PDE1C: variants seen among roughly 807,000 people sequenced by gnomAD.
PDE1C encodes phosphodiesterase 1C, also known as dual specificity calcium/calmodulin-dependent 3',5'-cyclic nucleotide phosphodiesterase 1C.
Under a neutral mutation model 93.1 loss-of-function variants are expected in PDE1C, and 62 were observed. That is an observed-to-expected ratio of 0.67 (90% CI 0.54 to 0.82). The LOEUF (loss-of-function observed/expected upper bound fraction) is 0.82. Ranked by LOEUF, PDE1C falls within the 40% of genes least tolerant of loss-of-function variation. PDE1C has a pLI of 0.00. For synonymous variants in PDE1C, 325 were observed against 310.1 expected, an observed-to-expected ratio of 1.05 and a Z score of -0.50; for missense variants, 742 against 884.6, an observed-to-expected ratio of 0.84 and a Z score of 2.04.
At chr7:31,930,096 C>T (rs147416673) in intron 2 of PDE1C, among the ~76,000 whole-genome samples, 1,589 of 152,290 alleles carry the variant, frequency 0.01, 15 homozygotes, top group Non-Finnish European at 0.019. Flanking sequence ...ACTGATCCCA[C>T]AGAAATACAA....
intron 17 of PDE1C, among the ~76,000 whole-genome samples, chr7:31,765,137 T>C (rs1233179909): frequency 1.3e-5 from 2 of 152,192 alleles, no homozygotes; most frequent in African/African-American, 4.8e-5. Flanking sequence ...AGACATATTT[T>C]TTGAGCCTTC....
intron 3 of PDE1C, among the ~76,000 whole-genome samples, chr7:32,159,807 T>C (rs1467483598): frequency 3.3e-5 from 5 of 152,120 alleles, no homozygotes; most frequent in African/African-American, 1.2e-4. Context: ...TACACCAAAG[T>C]GAACTCAGTG....
chr7:32,425,500 A>C (rs971704461), intron 1 of PDE1C, among the ~76,000 whole-genome samples: 29 of 152,070 alleles, frequency 1.9e-4, no homozygotes, highest in Non-Finnish European at 3.5e-4. Context: ...GAAGGGATTG[A>C]AAAAAATTCT....
chr7:32,144,960 GT>G (rs1393634381), intron 3 of PDE1C, among the ~76,000 whole-genome samples: 2 of 152,140 alleles, frequency 1.3e-5, no homozygotes, highest in Admixed American at 6.6e-5. Context: ...GCTGTAATTG[GT>G]TTTTAAAGAG....
At chr7:31,816,736 CTGTT>C (rs1399623326) in intron 14 of PDE1C, among the ~76,000 whole-genome samples, 3 of 152,090 alleles carry the variant, frequency 2.0e-5, no homozygotes, top group Non-Finnish European at 4.4e-5. Context: ...ACTGAGGACA[CTGTT>C]TGTTAATTTA....
the PDE1C span, among the ~76,000 whole-genome samples, chr7:31,619,449 G>A: frequency 6.6e-6 from 1 of 152,100 alleles, no homozygotes. Context: ...TGTTTCAACT[G>A]TATGTGTAGA....
chr7:31,903,369 G>A (rs1030602872), intron 2 of PDE1C, among the ~76,000 whole-genome samples: 4 of 151,924 alleles, frequency 2.6e-5, no homozygotes, highest in African/African-American at 9.7e-5. Flanking sequence ...AGAAATTAAA[G>A]TCAAGAGATC....
intron 1 of PDE1C, among the ~76,000 whole-genome samples, chr7:32,319,767 T>A (rs1028912272): frequency 6.6e-6 from 1 of 152,190 alleles, no homozygotes; most frequent in African/African-American, 2.4e-5. Context: ...CCGCTCTGGG[T>A]ATGAAGGCTG....
At chr7:31,939,949 C>G (rs1413108092) in intron 2 of PDE1C, among the ~76,000 whole-genome samples, 1 of 152,110 alleles carries the variant, frequency 6.6e-6, no homozygotes, top group Non-Finnish European at 1.5e-5. Context: ...TCCACCATCA[C>G]AGAGAGATGT....
intron 2 of PDE1C, among the ~76,000 whole-genome samples, chr7:32,007,773 T>C (rs1786480980): frequency 1.3e-5 from 2 of 152,198 alleles, no homozygotes. Flanking sequence ...GAAACTCAAA[T>C]AAATCATTGA....
chr7:32,407,554 T>A (rs1351393771), intron 1 of PDE1C, among the ~76,000 whole-genome samples: 1 of 152,140 alleles, frequency 6.6e-6, no homozygotes, highest in Non-Finnish European at 1.5e-5. Flanking sequence ...GATGCTCATG[T>A]AATCATGTGC....
chr7:32,252,644 G>C (rs979456653), intron 1 of PDE1C, among the ~76,000 whole-genome samples: 1 of 152,208 alleles, frequency 6.6e-6, no homozygotes, highest in Non-Finnish European at 1.5e-5. Flanking sequence ...GCAGCACAGA[G>C]GAGGGTGGGA....
At chr7:31,994,326 A>G (rs923126039) in intron 2 of PDE1C, among the ~76,000 whole-genome samples, 1 of 152,192 alleles carries the variant, frequency 6.6e-6, no homozygotes, top group Non-Finnish European at 1.5e-5. Context: ...TTAAATACTA[A>G]AAATTGAGGC....
chr7:31,679,141 C>T, the PDE1C span, among the ~76,000 whole-genome samples: 1 of 152,250 alleles, frequency 6.6e-6, no homozygotes, highest in Admixed American at 6.5e-5. Context: ...AGAATGCACT[C>T]CTGGGCTGCT....
chr7:31,786,151 C>T (rs1286068641), intron 16 of PDE1C: 1 of 152,156 alleles, frequency 6.6e-6, no homozygotes, highest in Non-Finnish European at 1.5e-5. Flanking sequence ...AATCTATTTG[C>T]TGTAGGAGAG....
chr7:31,717,253 CATTT>C, the PDE1C span, among the ~76,000 whole-genome samples: 3 of 152,168 alleles, frequency 2.0e-5, no homozygotes, highest in Admixed American at 1.3e-4. Context: ...TTTCTTTATA[CATTT>C]ATTTAAAAAG....
chr7:32,309,386 G>A (rs1234491314), intron 1 of PDE1C, among the ~76,000 whole-genome samples: 1 of 152,140 alleles, frequency 6.6e-6, no homozygotes, highest in South Asian at 2.1e-4. Flanking sequence ...TCAGACTCAG[G>A]AAATACAGAG....
At chr7:31,834,399 C>A (rs1790801783) in intron 11 of PDE1C, among the ~76,000 whole-genome samples, 2 of 152,286 alleles carry the variant, frequency 1.3e-5, no homozygotes, top group African/African-American at 4.8e-5. Context: ...GGAAAAGCAG[C>A]AGATGCTCAC....
chr7:32,341,621 G>A (rs1562682539), intron 1 of PDE1C, among the ~76,000 whole-genome samples: 1 of 152,146 alleles, frequency 6.6e-6, no homozygotes, highest in Non-Finnish European at 1.5e-5. Flanking sequence ...TCGGGAGTGG[G>A]CATAGTGGAT....
Sources: allele counts gnomAD v4.1 joint callset (sites outside exome capture counted in the v4.1 genomes callset), GRCh38; gene constraint gnomAD v4.1.1; transcripts MANE v1.5; gene names NCBI Gene and HGNC (gene_info 2026-07-23, HGNC 2026-07-21).